YPEL1: variants seen among roughly 807,000 people sequenced by gnomAD.
YPEL1 encodes the protein yippee like 1.
A neutral mutation model predicts 17.3 loss-of-function variants in YPEL1; 7 were observed. The observed-to-expected ratio is 0.40, with a 90% CI of 0.23 to 0.76. The LOEUF (loss-of-function observed/expected upper bound fraction) is 0.76. YPEL1 is among the 30% of genes least tolerant of loss of function. The pLI is 0.35. For synonymous variants in YPEL1, 59 were observed against 59.6 expected (o/e 0.99, Z 0.05); for missense variants, 91 against 155.5 (o/e 0.59, Z 2.21).
rs1238175019 is a variant in YPEL1, at chr22:21,698,637, A to G, written c.*2492T>C. 2 of 152,372 alleles carry G rather than the reference A, an allele frequency of 1.3e-5. No individual in the cohort carries two copies. Among genetic ancestry groups the G allele is most frequent in the African/African-American group, 4.8e-5 (2 of 41,462 alleles). The allele number at this position is 152,372 out of a possible 1,614,324, so 9.4% of individuals were successfully genotyped here. A position where few individuals can be genotyped will look rare whatever the true frequency, so the allele number is the denominator to read the frequency against. On this transcript the variant is annotated 3_prime_UTR_variant, in exon 5 of 5. Transcript: ENST00000339468. Reference sequence around the variant, plus strand: ...GTCAGTTTAAGATAAGTTTTCAGTGAACTCCTTCTTCCACCCGGGAAGGTG... The same window carrying G: ...GTCAGTTTAAGATAAGTTTTCAGTGGACTCCTTCTTCCACCCGGGAAGGTG...
At chr22:21,728,946 C>T (rs989707137) in intron 1 of YPEL1, among the ~76,000 whole-genome samples, 4 of 152,148 alleles carry the variant, frequency 2.6e-5, no homozygotes, top group Non-Finnish European at 5.9e-5. Flanking sequence ...AGTTCTAGAC[C>T]AGCCTGGCCA....
At chr22:21,734,379 G>T (rs775819214) in intron 1 of YPEL1, among the ~76,000 whole-genome samples, 15 of 152,194 alleles carry the variant, frequency 9.9e-5, no homozygotes, top group Non-Finnish European at 1.8e-4. Flanking sequence ...GGAGCACTGG[G>T]TGTAGGATAT....
intron 2 of YPEL1, among the ~76,000 whole-genome samples, chr22:21,708,331 CTTT>C (rs775485136): frequency 4.9e-5 from 5 of 102,124 alleles, no homozygotes; most frequent in African/African-American, 2.0e-4. Flanking sequence ...AGGCTTCTGC[CTTT>C]TTTTTTTTTT....
At chr22:21,721,337 C>G (rs935573232) in intron 1 of YPEL1, among the ~76,000 whole-genome samples, 1 of 151,802 alleles carries the variant, frequency 6.6e-6, no homozygotes, top group Admixed American at 6.6e-5. Flanking sequence ...CCAGGATGGT[C>G]TAAATCTCCT....
At chr22:21,712,879 AGTT>A (rs935823100) in intron 1 of YPEL1, among the ~76,000 whole-genome samples, 5 of 152,088 alleles carry the variant, frequency 3.3e-5, no homozygotes, top group African/African-American at 1.2e-4. Flanking sequence ...TATTCTATAT[AGTT>A]ATTAGAATAT....
At position 21,735,703 on chromosome 22, in the gene YPEL1, G is replaced by T. The variant is rs1413432224; in HGVS notation, c.-253C>A. 1 of 150,880 alleles carries T rather than the reference G, an allele frequency of 6.6e-6. No individual in the cohort carries two copies. Among genetic ancestry groups the T allele is most frequent in the Non-Finnish European group, 1.5e-5 (1 of 67,628 alleles). 9.3% of individuals were successfully genotyped at this position (150,880 alleles called of 1,614,324 possible). ...GGCTCGGCTCTCAGGCGTTCCCGGC[G>T]CGGCCCGGGACGCGCTGAGGCCGTT... On this transcript the variant is annotated 5_prime_UTR_variant, in exon 1 of 5. Transcript: ENST00000339468.
chr22:21,718,057 A>G (rs1001965216), intron 1 of YPEL1, among the ~76,000 whole-genome samples: 2 of 148,834 alleles, frequency 1.3e-5, no homozygotes, highest in African/African-American at 4.9e-5. Flanking sequence ...CTTGAGCCCA[A>G]GGGGTCGAGG....
At chr22:21,729,605 T>C (rs1397519555) in intron 1 of YPEL1, among the ~76,000 whole-genome samples, 1 of 151,620 alleles carries the variant, frequency 6.6e-6, no homozygotes. Context: ...TCTCTACAAA[T>C]AATAAATTAA....
At chr22:21,720,245 G>A (rs1026231991) in intron 1 of YPEL1, among the ~76,000 whole-genome samples, 5 of 149,412 alleles carry the variant, frequency 3.3e-5, no homozygotes, top group African/African-American at 9.8e-5. Context: ...GTCTGTTGCC[G>A]AGGCCGGAGT....
chr22:21,717,796 A>G (rs2068241773), intron 1 of YPEL1, among the ~76,000 whole-genome samples: 1 of 152,340 alleles, frequency 6.6e-6, no homozygotes. Flanking sequence ...AATAACTGAT[A>G]TCTCAGATTT....
chr22:21,717,006 A>G (rs1380825746), intron 1 of YPEL1, among the ~76,000 whole-genome samples: 1 of 152,226 alleles, frequency 6.6e-6, no homozygotes, highest in Non-Finnish European at 1.5e-5. Flanking sequence ...TGGGTTTAAC[A>G]GGAATAGGAG....
intron 1 of YPEL1, among the ~76,000 whole-genome samples, chr22:21,726,577 G>C (rs1170629135): frequency 1.3e-5 from 2 of 152,166 alleles, no homozygotes; most frequent in Admixed American, 1.3e-4. Context: ...GACCACCAGT[G>C]TTCCAGGCAG....
At position 21,701,010 on chromosome 22, in the gene YPEL1, G is replaced by A. The variant is rs1022964449; in HGVS notation, c.*119C>T. ...TGGCCGAGAGTGTCAAGAGCTATGC[G>A]CAGCTAGCCTTTGAGGTCAGAGGGC... On this transcript the variant is annotated 3_prime_UTR_variant, in exon 5 of 5. Transcript: ENST00000339468. 4.7e-5 allele frequency: 38 copies of A among 814,912 alleles called. No homozygotes were observed. The highest frequency in any genetic ancestry group is 8.5e-5 in the Admixed American group (4 of 46,794). 50.5% of individuals were successfully genotyped at this position (814,912 alleles called of 1,614,324 possible).
chr22:21,728,920 A>C (rs2148614986), intron 1 of YPEL1, among the ~76,000 whole-genome samples: 1 of 152,306 alleles, frequency 6.6e-6, no homozygotes, highest in Non-Finnish European at 1.5e-5. Context: ...AGGCGGGTGG[A>C]TCACCTGAAG....
rs2068399604 is a variant in YPEL1 at position 21,732,677 on chromosome 22, G to T, written c.-165+2938C>A. Among the ~76,000 whole-genome samples, 4 of 152,032 alleles carry T rather than the reference G, an allele frequency of 2.6e-5. No homozygotes were observed. The South Asian group carries it at 8.3e-4, about 32-fold the overall frequency. On this transcript the variant is annotated intron_variant, in intron 1 of 4. Transcript: ENST00000339468. ...GGTGCCTGTAGTCCCAGCTACTCAG[G>T]AGGCTGAGACAGGAGAATCGCTTGA... is the stretch of plus-strand genomic sequence containing the variant.
intron 1 of YPEL1, among the ~76,000 whole-genome samples, chr22:21,735,098 T>C (rs1209680409): frequency 6.6e-6 from 1 of 152,156 alleles, no homozygotes; most frequent in Admixed American, 6.5e-5. Context: ...TTTAGATCTC[T>C]GAAGCTCAGG....
At chr22:21,712,383 A>AAAC (rs999868049) in intron 1 of YPEL1, among the ~76,000 whole-genome samples, 2 of 151,102 alleles carry the variant, frequency 1.3e-5, no homozygotes, top group Admixed American at 6.6e-5. Flanking sequence ...AAAAAAAAAA[A>AAAC]AACAACTACA....
chr22:21,731,644 C>T (rs1040269826), intron 1 of YPEL1, among the ~76,000 whole-genome samples: 1 of 151,376 alleles, frequency 6.6e-6, no homozygotes, highest in Non-Finnish European at 1.5e-5. Flanking sequence ...AGGCAGGTGG[C>T]ACCACGAGGG....
In YPEL1 at chr22:21,700,408, T is replaced by C. The variant is rs534053898; in HGVS notation, c.*721A>G. The stretch of plus-strand genomic sequence containing the variant: ...CTCACTGCAACCTCCGCCTCCTGGG[T>C]TCAAGTGATTCTCGTGCCTCAGCCT... On this transcript the variant is annotated 3_prime_UTR_variant, in exon 5 of 5. Coordinates refer to ENST00000339468, the MANE Select transcript of YPEL1 (RefSeq NM_013313.5). The C allele has an allele frequency of 6.6e-5, 10 of 152,276 alleles. No homozygotes were observed. Among genetic ancestry groups the C allele is most frequent in the African/African-American group, 2.4e-4 (10 of 41,470 alleles). The allele number at this position is 152,276 out of a possible 1,614,324, so 9.4% of individuals were successfully genotyped here.
Sources: allele counts gnomAD v4.1 joint callset (sites outside exome capture counted in the v4.1 genomes callset), GRCh38; gene constraint gnomAD v4.1.1; transcripts MANE v1.5; gene names NCBI Gene and HGNC (gene_info 2026-07-23, HGNC 2026-07-21).